The following PPP2R2B variants were observed in gnomAD, a reference collection of about 807,000 sequenced individuals.
The protein encoded by PPP2R2B is serine/threonine-protein phosphatase 2A 55 kDa regulatory subunit B beta isoform.
PPP2R2B carries 5 observed loss-of-function variants against 46.0 expected under a neutral mutation model. That is an observed-to-expected ratio of 0.11 (90% confidence interval 0.06 to 0.23). The LOEUF (loss-of-function observed/expected upper bound fraction) is 0.23, where lower values mean the gene tolerates loss of function less well. Among genes scored for constraint, PPP2R2B ranks in the 10% least tolerant of loss-of-function variants. The pLI is 1.00. For missense variants in PPP2R2B, 367 were observed against 575.0 expected (o/e 0.64, Z 3.70); for synonymous variants, 215 against 206.7 (o/e 1.04, Z -0.34).
chr5:146,650,691 C>G lies in PPP2R2B; in HGVS notation c.481G>C (p.Glu161Gln). 6.2e-7 allele frequency: 1 copy of G among 1,613,882 alleles called. No individual in the cohort carries two copies. ...PVLRPMDLMV[E>Q]ATPRRVFANA... The stretch of plus-strand genomic sequence containing the variant: ...GCAAATACTCTTCGTGGGGTGGCCT[C>G]CACCATCAGGTCCATGGGTCTCAGG... Residue 161 changes from glutamate (E) to glutamine (Q), a missense_variant, in exon 6 of 10, where the codon GAG becomes CAG. By Grantham distance (29) the Glu-to-Gln change is conservative. Around this residue, in one of 2 missense-constraint regions of PPP2R2B, gnomAD observed 361 missense variants for 545.5 expected, o/e 0.66. Coordinates refer to ENST00000394411, the MANE Select transcript of PPP2R2B (RefSeq NM_181675.4).
At chr5:146,644,338 T>A (rs189726925) in intron 6 of PPP2R2B, among the ~76,000 whole-genome samples, 43 of 151,710 alleles carry the variant, frequency 2.8e-4, no homozygotes, top group African/African-American at 8.9e-4. Flanking sequence ...TTCTTTTATT[T>A]CCCCCTGAAC....
intron 2 of PPP2R2B, among the ~76,000 whole-genome samples, chr5:146,773,019 G>C (rs1027284539): frequency 1.3e-5 from 2 of 152,144 alleles, no homozygotes; most frequent in African/African-American, 4.8e-5. Context: ...TTCTGATGTG[G>C]AAAATGCATT....
At chr5:146,675,413 C>T (rs1777645391) in intron 5 of PPP2R2B, among the ~76,000 whole-genome samples, 1 of 152,120 alleles carries the variant, frequency 6.6e-6, no homozygotes, top group African/African-American at 2.4e-5. Flanking sequence ...TATAAATACC[C>T]TGGTATCCTG....
At chr5:146,881,083 G>T (rs956956555), upstream of PPP2R2B, among the ~76,000 whole-genome samples, 1 of 152,102 alleles carries the variant, frequency 6.6e-6, no homozygotes, top group African/African-American at 2.4e-5. Flanking sequence ...AGAGAGTGGG[G>T]GAGATGGGAG....
intron 2 of PPP2R2B, among the ~76,000 whole-genome samples, chr5:146,826,979 C>G (rs969642417): frequency 6.6e-6 from 1 of 152,174 alleles, no homozygotes; most frequent in Non-Finnish European, 1.5e-5. Context: ...TAGCTCATCA[C>G]AGGTGCTCAA....
intron 1 of PPP2R2B, chr5:147,035,285 G>T (rs1755981547): frequency 5.5e-6 from 2 of 361,294 alleles, no homozygotes; most frequent in Non-Finnish European, 5.4e-6. Context: ...AGGGGAGAAG[G>T]TGCCACACTT....
intron 4 of PPP2R2B, among the ~76,000 whole-genome samples, chr5:146,696,790 AT>A (rs567047255): frequency 6.6e-6 from 1 of 152,178 alleles, no homozygotes; most frequent in Non-Finnish European, 1.5e-5. Flanking sequence ...CCGAATTGTC[AT>A]TTTTTTAGAC....
intron 2 of PPP2R2B, among the ~76,000 whole-genome samples, chr5:146,712,903 C>T (rs1323864762): frequency 6.6e-6 from 1 of 152,166 alleles, no homozygotes; most frequent in Admixed American, 6.5e-5. Flanking sequence ...AACAAATGTA[C>T]ATTGAACACA....
intron 1 of PPP2R2B, among the ~76,000 whole-genome samples, chr5:146,969,151 G>A (rs1245006702): frequency 6.6e-6 from 1 of 152,150 alleles, no homozygotes; most frequent in South Asian, 2.1e-4. Context: ...AGATGCCATC[G>A]GAGCATTTGG....
chr5:146,783,278 G>T (rs2151285547), intron 2 of PPP2R2B, among the ~76,000 whole-genome samples: 1 of 152,234 alleles, frequency 6.6e-6, no homozygotes, highest in Non-Finnish European at 1.5e-5. Context: ...TGCATAATCA[G>T]CTGGACTAAA....
intron 7 of PPP2R2B, chr5:146,606,945 C>T (rs1001416100): frequency 6.6e-6 from 1 of 152,136 alleles, no homozygotes. Context: ...AAATTGCTCA[C>T]TTTTGCTGAC....
chr5:146,760,251 T>C (rs1254328385), intron 2 of PPP2R2B, among the ~76,000 whole-genome samples: 1 of 152,186 alleles, frequency 6.6e-6, no homozygotes, highest in Non-Finnish European at 1.5e-5. Context: ...GGCAACCCTA[T>C]AAGGTATTGC....
intron 2 of PPP2R2B, among the ~76,000 whole-genome samples, chr5:146,814,983 C>A (rs1458002867): frequency 6.6e-6 from 1 of 152,186 alleles, no homozygotes; most frequent in Non-Finnish European, 1.5e-5. Context: ...TTGCTGTAGA[C>A]CTGTACAGAT....
chr5:147,019,305 T>A (rs561030302), intron 1 of PPP2R2B, among the ~76,000 whole-genome samples: 1 of 152,252 alleles, frequency 6.6e-6, no homozygotes, highest in African/African-American at 2.4e-5. Context: ...TCTGCTGAGG[T>A]CAAGAAAAGC....
rs78766326 is a variant in PPP2R2B at position 146,580,814 on chromosome 5, T to C, written c.*9133A>G. On this transcript the variant is annotated 3_prime_UTR_variant, in exon 10 of 10. Coordinates refer to ENST00000394411, the MANE Select transcript of PPP2R2B (RefSeq NM_181675.4). Reference sequence around the variant, plus strand: ...TAATTACTGTTCTTGGTGAAGCCTCTCCAGAGTTTCTCTTGGGACACCGTG... The same window carrying C: ...TAATTACTGTTCTTGGTGAAGCCTCCCCAGAGTTTCTCTTGGGACACCGTG... Among the ~76,000 whole-genome samples, 3,293 of 152,140 alleles carry C rather than the reference T, an allele frequency of 0.022. 44 individuals carry two copies. Among genetic ancestry groups the C allele is most frequent in the South Asian group, 0.034 (164 of 4,808 alleles).
intron 7 of PPP2R2B, among the ~76,000 whole-genome samples, chr5:146,609,139 T>C (rs1342645157): frequency 2.6e-5 from 4 of 152,188 alleles, no homozygotes; most frequent in Admixed American, 2.0e-4. Context: ...CAATGTGATA[T>C]GTCATATCAA....
chr5:146,897,057 A>C (rs930311037), intron 1 of PPP2R2B, among the ~76,000 whole-genome samples: 12 of 152,182 alleles, frequency 7.9e-5, no homozygotes, highest in African/African-American at 2.9e-4. Flanking sequence ...AATGATAGTA[A>C]AGAAGCAAAG....
chr5:146,685,343 C>T (rs539079289), intron 5 of PPP2R2B, among the ~76,000 whole-genome samples: 28 of 152,188 alleles, frequency 1.8e-4, no homozygotes, highest in Non-Finnish European at 3.8e-4. Context: ...GGGCAGGATG[C>T]CTAAGTCACA....
chr5:146,618,639 C>T (rs1355604354), intron 7 of PPP2R2B, among the ~76,000 whole-genome samples: 2 of 152,164 alleles, frequency 1.3e-5, no homozygotes, highest in African/African-American at 4.8e-5. Flanking sequence ...AGCAGCTGCC[C>T]CTATACAGCT....
Sources: gnomAD v4.1 joint callset for allele counts (sites outside exome capture counted in the v4.1 genomes callset) on GRCh38, gnomAD v4.1.1 for gene constraint, gnomAD v4.1.1 regional missense constraint, MANE v1.5 for transcripts, NCBI Gene and HGNC (gene_info 2026-07-23, HGNC 2026-07-21) for gene names.